SLC25A21: variants seen among roughly 807,000 people sequenced by gnomAD.
SLC25A21 encodes mitochondrial 2-oxodicarboxylate carrier.
SLC25A21 carries 47 observed loss-of-function variants against 43.8 expected under a neutral mutation model. The observed-to-expected ratio is 1.07, with a 90% confidence interval of 0.85 to 1.37. The LOEUF is 1.37. Among genes scored for constraint, SLC25A21 ranks in the 40% most tolerant of loss-of-function variants. The pLI, the probability that SLC25A21 is intolerant of heterozygous loss-of-function variation, is 0.00. For missense variants in SLC25A21, 352 were observed against 350.2 expected (o/e 1.00, Z -0.04); for synonymous variants, 131 against 121.3 (o/e 1.08, Z -0.52).
intron 1 of SLC25A21, among the ~76,000 whole-genome samples, chr14:36,895,903 G>T (rs1006255307): frequency 6.6e-6 from 1 of 152,216 alleles, no homozygotes; most frequent in African/African-American, 2.4e-5. Flanking sequence ...TGGTCTGAGA[G>T]ACAGTTTGTT....
intron 1 of SLC25A21, among the ~76,000 whole-genome samples, chr14:36,926,662 G>C (rs991962588): frequency 6.6e-6 from 1 of 152,106 alleles, no homozygotes; most frequent in Admixed American, 6.6e-5. Context: ...AGTACATTTG[G>C]AAGAAATTAC....
At chr14:37,060,035 G>A (rs962692956) in intron 1 of SLC25A21, among the ~76,000 whole-genome samples, 1 of 152,170 alleles carries the variant, frequency 6.6e-6, no homozygotes, top group Non-Finnish European at 1.5e-5. Flanking sequence ...CCTTAACTCT[G>A]TGCTATGGAA....
chr14:36,818,522 T>C (rs1273217577), intron 2 of SLC25A21, among the ~76,000 whole-genome samples: 1 of 152,184 alleles, frequency 6.6e-6, no homozygotes, highest in Non-Finnish European at 1.5e-5. Flanking sequence ...CATTCTTAAC[T>C]ATGCTAAAGC....
At chr14:36,884,352 T>C (rs1890853621) in intron 1 of SLC25A21, among the ~76,000 whole-genome samples, 1 of 152,186 alleles carries the variant, frequency 6.6e-6, no homozygotes, top group Admixed American at 6.6e-5. Flanking sequence ...TTCTGTTGTA[T>C]ACATTTTCTT....
At chr14:37,042,296 G>A (rs149515131) in intron 1 of SLC25A21, among the ~76,000 whole-genome samples, 206 of 152,236 alleles carry the variant, frequency 1.4e-3, no homozygotes, top group Non-Finnish European at 2.2e-3. Context: ...ATTGAGTTAT[G>A]TTGGGGAGGG....
At chr14:36,939,398 T>C (rs1400851327) in intron 1 of SLC25A21, among the ~76,000 whole-genome samples, 2 of 152,122 alleles carry the variant, frequency 1.3e-5, no homozygotes, top group South Asian at 2.1e-4. Flanking sequence ...AATATACTCA[T>C]GTGCACTGCT....
At chr14:36,974,054 G>A (rs189645326) in intron 1 of SLC25A21, among the ~76,000 whole-genome samples, 136 of 152,230 alleles carry the variant, frequency 8.9e-4, no homozygotes, top group African/African-American at 3.1e-3. Context: ...TTTAATAAAA[G>A]GATTTGACAA....
chr14:37,076,404 C>T (rs569695693), intron 1 of SLC25A21, among the ~76,000 whole-genome samples: 28 of 152,060 alleles, frequency 1.8e-4, no homozygotes, highest in Non-Finnish European at 3.7e-4. Flanking sequence ...AACTCCTGAG[C>T]TCAGGTGATC....
intron 2 of SLC25A21, among the ~76,000 whole-genome samples, chr14:36,823,726 T>C (rs116050995): frequency 0.014 from 2,084 of 152,212 alleles, 55 homozygotes; most frequent in African/African-American, 0.048. Context: ...TCCAAGTAAT[T>C]ACGGTTTTAA....
intron 1 of SLC25A21, among the ~76,000 whole-genome samples, chr14:37,107,703 G>C (rs2138872847): frequency 6.6e-6 from 1 of 152,164 alleles, no homozygotes; most frequent in East Asian, 1.9e-4. Flanking sequence ...CTGAAGCACA[G>C]AGGTAAACTG....
At chr14:36,907,148 A>C (rs1891557108) in intron 1 of SLC25A21, among the ~76,000 whole-genome samples, 1 of 152,208 alleles carries the variant, frequency 6.6e-6, no homozygotes, top group Admixed American at 6.5e-5. Context: ...AGGACACCAA[A>C]ATCAATAAGG....
chr14:36,913,573 G>A (rs1449336197), intron 1 of SLC25A21, among the ~76,000 whole-genome samples: 1 of 152,148 alleles, frequency 6.6e-6, no homozygotes, highest in Non-Finnish European at 1.5e-5. Context: ...ACCACACCAG[G>A]CATGTTTGGA....
chr14:36,843,742 A>T (rs1889457004), intron 2 of SLC25A21, among the ~76,000 whole-genome samples: 1 of 152,220 alleles, frequency 6.6e-6, no homozygotes, highest in Non-Finnish European at 1.5e-5. Flanking sequence ...CTATCATTTC[A>T]TTCACAAAAT....
At chr14:37,051,113 T>C (rs1173938322) in intron 1 of SLC25A21, among the ~76,000 whole-genome samples, 2 of 152,242 alleles carry the variant, frequency 1.3e-5, no homozygotes, top group Non-Finnish European at 2.9e-5. Flanking sequence ...TCCAATTGTA[T>C]ATAAGCTCCA....
chr14:36,977,647 G>GA (rs966551620), intron 1 of SLC25A21, among the ~76,000 whole-genome samples: 3 of 151,646 alleles, frequency 2.0e-5, no homozygotes, highest in African/African-American at 7.3e-5. Context: ...AATGCAAGGG[G>GA]GGCCTTGTAA....
intron 1 of SLC25A21, among the ~76,000 whole-genome samples, chr14:36,896,643 T>C (rs552008772): frequency 3.5e-4 from 53 of 152,376 alleles, no homozygotes; most frequent in African/African-American, 1.2e-3. Context: ...TTGATGGTCT[T>C]TACAATTTGG....
intron 1 of SLC25A21, among the ~76,000 whole-genome samples, chr14:37,037,670 A>T (rs966279350): frequency 6.6e-6 from 1 of 152,084 alleles, no homozygotes; most frequent in Admixed American, 6.6e-5. Flanking sequence ...CCTCCCTGAC[A>T]CATTTCAGCA....
intron 1 of SLC25A21, among the ~76,000 whole-genome samples, chr14:37,152,386 A>ATTTTTT (rs3061885): frequency 1.4e-5 from 2 of 140,706 alleles, no homozygotes; most frequent in African/African-American, 5.3e-5. Flanking sequence ...TTTTATTTCA[A>ATTTTTT]TTTTTTTTTT....
intron 1 of SLC25A21, among the ~76,000 whole-genome samples, chr14:36,987,345 C>T (rs1353955969): frequency 1.3e-5 from 2 of 152,012 alleles, no homozygotes; most frequent in African/African-American, 4.8e-5. Flanking sequence ...CCAAACACTA[C>T]AATTTTTTTC....
Sources: gnomAD v4.1 joint callset for allele counts (sites outside exome capture counted in the v4.1 genomes callset) on GRCh38, gnomAD v4.1.1 for gene constraint, MANE v1.5 for transcripts, NCBI Gene and HGNC (gene_info 2026-07-23, HGNC 2026-07-21) for gene names.